Variants in SNRNP200 observed in about 807,000 individuals in gnomAD.
The protein encoded by SNRNP200 is small nuclear ribonucleoprotein U5 subunit 200, also known as U5 small nuclear ribonucleoprotein 200 kDa helicase.
A neutral mutation model predicts 255.2 loss-of-function variants in SNRNP200; 66 were observed. The ratio of observed to expected loss-of-function variants is 0.26; its 90% confidence interval spans 0.21 to 0.32. The LOEUF is 0.32. Ranked by LOEUF, SNRNP200 falls within the 10% of genes least tolerant of loss-of-function variation. The pLI is 1.00. For missense variants in SNRNP200, 1,585 were observed against 2,749.8 expected, an observed-to-expected ratio of 0.58 and a Z score of 9.47; for synonymous variants, 939 against 1,027.8, an observed-to-expected ratio of 0.91 and a Z score of 1.65.
At chr2:96,298,233 C>T (rs780553908) in intron 9 of SNRNP200, 51 bp downstream of exon 9, 2 of 1,613,324 alleles carry the variant, frequency 1.2e-6, no homozygotes, top group Non-Finnish European at 1.7e-6. Context: ...CTGCAATCTT[C>T]TAGCCACCGT....
rs989645765 is a variant in SNRNP200, at chr2:96,279,506, C to T, written c.5078G>A (p.Arg1693His). ...GCGCCCCTCATCGTCCTGCAAAGGG[C>T]GGTTGGCGTGGCCCACCATCTGAAG... is the stretch of plus-strand genomic sequence containing the variant. ...DVLQMVGHAN[R>H]PLQDDEGRCV... Residue 1693 changes from arginine (R) to histidine (H), a missense_variant, in exon 36 of 45, where the codon CGC (arginine) becomes CAC (histidine). This residue lies in a region of SNRNP200 where 719 missense variants were observed against 1,091.1 expected (regional missense o/e 0.66). Transcript: ENST00000323853. The T allele has an allele frequency of 2.5e-6, 4 of 1,613,966 alleles. No homozygotes were observed. The highest frequency in any genetic ancestry group is 3.4e-6 in the Non-Finnish European group (4 of 1,179,962).
rs1374338750 is a variant in SNRNP200 at position 96,278,492 on chromosome 2, C to G, written c.5488+55G>C. 1 of 1,611,748 alleles carries G rather than the reference C, an allele frequency of 6.2e-7. No homozygotes were observed. ...GCGCACCTCTCATCCCAGTGGGCTC[C>G]TGACCCGTGTAAAAAGGCTCCCACA... is the stretch of plus-strand genomic sequence containing the variant. On this transcript the variant is annotated intron_variant, in intron 38 of 44. Coordinates refer to ENST00000323853, the MANE Select transcript of SNRNP200 (RefSeq NM_014014.5). The surrounding 1 kb of genome is among the most constrained non-coding windows in gnomAD (Gnocchi z 6.9).
chr2:96,298,781 A>G (rs770269201), intron 7 of SNRNP200, 34 bp downstream of exon 7: 18 of 1,613,982 alleles, frequency 1.1e-5, no homozygotes, highest in Non-Finnish European at 1.5e-5. Context: ...GCTAAGATAC[A>G]CTAAATATAC....
intron 35 of SNRNP200, among the ~76,000 whole-genome samples, chr2:96,280,060 C>T (rs2104334660): frequency 6.6e-6 from 1 of 152,332 alleles, no homozygotes; most frequent in African/African-American, 2.4e-5. Context: ...TGCATACCAC[C>T]ACACTTTCCA....
chr2:96,285,589 T>C (rs1276259631), intron 29 of SNRNP200, among the ~76,000 whole-genome samples: 2 of 152,216 alleles, frequency 1.3e-5, no homozygotes, highest in Non-Finnish European at 2.9e-5. Flanking sequence ...CCTGGAGATG[T>C]GTGGGATGAC....
At chr2:96,299,017 T>C (rs370288289) in intron 6 of SNRNP200, 50 bp from the exon 7 acceptor site, 22 of 1,609,886 alleles carry the variant, frequency 1.4e-5, no homozygotes, top group Middle Eastern at 1.7e-4. Flanking sequence ...CCAGCCTCGA[T>C]CACTTTGCCA....
In SNRNP200 at chr2:96,283,393, T is replaced by C. The variant is rs2063818978; in HGVS notation, c.4764-41A>G. The C allele has an allele frequency of 6.2e-7, 1 of 1,614,034 alleles. No homozygotes were observed. The highest frequency in any genetic ancestry group is 8.5e-7 in the Non-Finnish European group (1 of 1,180,018). Reference sequence around the variant, plus strand: ...ACTGGCTCAGCTCAGAGTAGTTCAATTCCTGGCAGACACTTTGCCAGCTGT... The same window carrying C: ...ACTGGCTCAGCTCAGAGTAGTTCAACTCCTGGCAGACACTTTGCCAGCTGT... On this transcript the variant is annotated intron_variant, in intron 33 of 44. Coordinates refer to ENST00000323853, the MANE Select transcript of SNRNP200 (RefSeq NM_014014.5). This position sits in a 1 kb window ranked among gnomAD's most constrained non-coding sequence, Gnocchi z 4.7.
Position 96,296,700 on chromosome 2 carries a change from G to T in SNRNP200, c.1516-9C>A, listed in dbSNP as rs1440473687. 6.2e-7 allele frequency: 1 copy of T among 1,614,172 alleles called. No homozygotes were observed. Among genetic ancestry groups the T allele is most frequent in the Admixed American group, 1.7e-5 (1 of 60,034 alleles). ...TTGGTCTTCCCAGCACCCTACGGGA[G>T]AGGTCAGGGATGAGAACGCCTATTC... On this transcript the variant is annotated splice_polypyrimidine_tract_variant and intron_variant, in intron 12 of 44. Transcript: ENST00000323853.
At chr2:96,279,254 C>A (rs971962318) in intron 36 of SNRNP200, 197 bp downstream of exon 36, 8 of 656,526 alleles carry the variant, frequency 1.2e-5, no homozygotes, top group Non-Finnish European at 1.9e-5. Flanking sequence ...GACCTCAACA[C>A]GTGGAGCCAA....
At position 96,277,801 on chromosome 2, in the gene SNRNP200, C is replaced by G; in HGVS notation, c.5754+6G>C. 6.2e-7 allele frequency: 1 copy of G among 1,614,256 alleles called. No individual in the cohort carries two copies. Among genetic ancestry groups the G allele is most frequent in the East Asian group, 2.2e-5 (1 of 44,888 alleles). ...CTGACCCCTCTGCCCCACACCCACA[C>G]TCTACCTTACTAAGGATTTCCTCCG... On this transcript the variant is annotated splice_donor_region_variant and intron_variant, in intron 40 of 44. Transcript: ENST00000323853. This position sits in a 1 kb window ranked among gnomAD's most constrained non-coding sequence, Gnocchi z 4.4.
chr2:96,280,948 G>A (rs2104335974), intron 35 of SNRNP200, among the ~76,000 whole-genome samples: 1 of 151,400 alleles, frequency 6.6e-6, no homozygotes, highest in Admixed American at 6.6e-5. Flanking sequence ...TGCCTCCTGG[G>A]TTCAAGTGAT....
Position 96,274,763 on chromosome 2 carries a change from G to C in SNRNP200, c.*249C>G, listed in dbSNP as rs1188365812. The C allele has an allele frequency of 5.5e-6, 3 of 549,890 alleles. No homozygotes were observed. Among genetic ancestry groups the C allele is most frequent in the South Asian group, 2.1e-5 (1 of 47,594 alleles). 34.1% of individuals were successfully genotyped at this position (549,890 alleles called of 1,614,324 possible). On this transcript the variant is annotated 3_prime_UTR_variant, in exon 45 of 45. Transcript: ENST00000323853. ...TACAAATTATTTTATTAGAATGTCA[G>C]ACTCAAAAGAACTACCAGGAACATG...
intron 21 of SNRNP200, 60 bp from the exon 22 acceptor site, chr2:96,289,439 TGGA>T: frequency 1.3e-6 from 2 of 1,573,192 alleles, no homozygotes; most frequent in Non-Finnish European, 1.7e-6. Context: ...CCTCTAACTG[TGGA>T]CCATAAGTTA....
Position 96,286,470 on chromosome 2 carries a change from G to C in SNRNP200, c.3844C>G (p.Leu1282Val), listed in dbSNP as rs1186935148. Residue 1282 changes from leucine to valine, a missense_variant, in exon 29 of 45, where the codon CTG becomes GTG. By Grantham distance (32) the Leu-to-Val change is conservative. Coordinates refer to ENST00000323853, the MANE Select transcript of SNRNP200 (RefSeq NM_014014.5). The surrounding 1 kb of genome is among the most constrained non-coding windows in gnomAD (Gnocchi z 4.8). ...ATCAGGTGCCGGAAGGAGACAGGCA[G>C]CTGGGTCTCACAAGCTGCCAGAAAA... ...SDRWLSCETQ[L>V]PVSFRHLILP... 1 of 1,614,120 alleles carries C rather than the reference G, an allele frequency of 6.2e-7. No individual in the cohort carries two copies. The highest frequency in any genetic ancestry group is 8.5e-7 in the Non-Finnish European group (1 of 1,180,026).
chr2:96,280,558 C>CTT (rs111733356), intron 35 of SNRNP200, among the ~76,000 whole-genome samples: 5 of 150,996 alleles, frequency 3.3e-5, no homozygotes, highest in Non-Finnish European at 5.9e-5. Flanking sequence ...CTTCTAACTT[C>CTT]TTTTTTTTTG....
At chr2:96,301,094 C>T in intron 4 of SNRNP200, 41 bp from the exon 5 acceptor site, 2 of 1,582,646 alleles carry the variant, frequency 1.3e-6, no homozygotes, top group Non-Finnish European at 1.7e-6. Flanking sequence ...CAGTGAATGG[C>T]TAGTAAAACA....
At chr2:96,293,244 G>C in intron 15 of SNRNP200, 72 bp downstream of exon 15, 1 of 1,573,700 alleles carries the variant, frequency 6.4e-7, no homozygotes, top group Non-Finnish European at 8.7e-7. Flanking sequence ...CAACCCAGTA[G>C]CACTCCTTGG....
At chr2:96,296,808 C>A in intron 12 of SNRNP200, 117 bp from the exon 13 acceptor site, 13 of 1,494,152 alleles carry the variant, frequency 8.7e-6, no homozygotes, top group Non-Finnish European at 1.2e-5. Flanking sequence ...CTTTATCCTA[C>A]TATTTAACCT....
chr2:96,294,362 C>T (rs559956097), intron 14 of SNRNP200, among the ~76,000 whole-genome samples: 3 of 152,080 alleles, frequency 2.0e-5, no homozygotes, highest in South Asian at 2.1e-4. Context: ...TGCTTGAACC[C>T]GGGAGGCGGA....
Sources: gnomAD v4.1 joint callset for allele counts (sites outside exome capture counted in the v4.1 genomes callset) on GRCh38, gnomAD v4.1.1 for gene constraint, gnomAD v4.1.1 regional missense constraint, Gnocchi (gnomAD v3.1) non-coding constraint, MANE v1.5 for transcripts, NCBI Gene and HGNC (gene_info 2026-07-23, HGNC 2026-07-21) for gene names.